Variants in NRN1L observed in about 807,000 individuals in gnomAD.
NRN1L encodes the protein neuritin 1 like.
A neutral mutation model predicts 8.8 loss-of-function variants in NRN1L; 12 were observed. The ratio of observed to expected loss-of-function variants is 1.36; its 90% CI spans 0.87 to 2.20. NRN1L has a LOEUF of 2.20. Among genes scored for constraint, NRN1L ranks in the 30% most tolerant of loss-of-function variants. The pLI is 0.00. For missense variants in NRN1L, 266 were observed against 232.4 expected (o/e 1.14, Z -0.94); for synonymous variants, 114 against 99.2 (o/e 1.15, Z -0.88).
Position 67,886,112 on chromosome 16 carries a change from C to T in NRN1L, c.351C>T (p.Ala117=). 1 of 1,613,064 alleles carries T rather than the reference C, an allele frequency of 6.2e-7. No homozygotes were observed. The highest frequency in any genetic ancestry group is 1.1e-5 in the South Asian group (1 of 90,916). Residue 117 remains alanine (A), a synonymous_variant, in exon 3 of 3, where the codon GCC becomes GCT. Coordinates refer to ENST00000339176, the MANE Select transcript of NRN1L (RefSeq NM_198443.2). Reference sequence around the variant, plus strand: ...ATAACTTGCACACTCTGTGCGGTGCCCCGGTGCATGTTCGGGAGCGCGGCA... The same window carrying T: ...ATAACTTGCACACTCTGTGCGGTGCTCCGGTGCATGTTCGGGAGCGCGGCA... The part of the protein sequence containing the change: ...RPNNLHTLCG[A]PVHVRERGTG...
chr16:67,888,355 T>C (rs1398339149), downstream of NRN1L, among the ~76,000 whole-genome samples: 2 of 152,264 alleles, frequency 1.3e-5, no homozygotes, highest in African/African-American at 2.4e-5. Flanking sequence ...CCCAGAAGTC[T>C]TCCAGAGCTG....
At position 67,885,715 on chromosome 16, in the gene NRN1L, CTTCTAGT is replaced by C. The variant is rs1479930094; in HGVS notation, c.80-6_80del. 1 of 1,546,032 alleles carries C rather than the reference CTTCTAGT, an allele frequency of 6.5e-7. No individual in the cohort carries two copies. The highest frequency in any genetic ancestry group is 8.8e-7 in the Non-Finnish European group (1 of 1,132,076). On this transcript the variant is annotated splice_acceptor_variant and splice_polypyrimidine_tract_variant and coding_sequence_variant and intron_variant, in exon 2 of 3. Transcript: ENST00000339176. LOFTEE classifies it high-confidence loss of function. ...CCTTCCCCACCCCACCCCCGCCCCA[CTTCTAGT>C]CCTTTTACCTCCCCTGGCAGCAGCT...
chr16:67,886,229 T>C lies in NRN1L; in HGVS notation c.468T>C (p.Ala156=). The C allele has an allele frequency of 1.3e-6, 2 of 1,598,226 alleles. No individual in the cohort carries two copies. The highest frequency in any genetic ancestry group is 1.7e-6 in the Non-Finnish European group (2 of 1,178,432). Residue 156 remains alanine, a synonymous_variant, in exon 3 of 3, where the codon GCT becomes GCC. Coordinates refer to ENST00000339176, the MANE Select transcript of NRN1L (RefSeq NM_198443.2). ...CCCCACTGCTGGCGGCTGCTCTGGC[T>C]CTGGCCTACCTCCTGAGGCCTCTGG... ...PAPPLLAAAL[A]LAYLLRPLA
chr16:67,885,194 G>C (rs1333930213), intron 1 of NRN1L: 6 of 600,952 alleles, frequency 1.0e-5, no homozygotes, highest in Middle Eastern at 4.4e-4. Context: ...CCCCTCTTAT[G>C]ATAAAGGGAG....
At chr16:67,886,927 G>A (rs1051858576), downstream of NRN1L, among the ~76,000 whole-genome samples, 1 of 152,234 alleles carries the variant, frequency 6.6e-6, no homozygotes, top group Admixed American at 6.5e-5. Context: ...GATGTGACCT[G>A]AAGTGGCAAA....
downstream of NRN1L, among the ~76,000 whole-genome samples, chr16:67,886,624 T>G (rs2058097472): frequency 6.6e-6 from 1 of 152,176 alleles, no homozygotes; most frequent in South Asian, 2.1e-4. Context: ...CTGTGCGGGT[T>G]GAGATCGGGA....
chr16:67,885,237 T>C (rs1598180775), intron 1 of NRN1L: 1 of 589,548 alleles, frequency 1.7e-6, no homozygotes, highest in Admixed American at 3.0e-5. Context: ...AGACCAGTCG[T>C]AGGATCCCTA....
chr16:67,887,377 A>G (rs1271575144), downstream of NRN1L, among the ~76,000 whole-genome samples: 1 of 151,398 alleles, frequency 6.6e-6, no homozygotes, highest in Non-Finnish European at 1.5e-5. Context: ...GGTTCAAGCA[A>G]TTCTCCTGCC....
chr16:67,886,141 G>T lies in NRN1L; in HGVS notation c.380G>T (p.Gly127Val). 6.2e-7 allele frequency: 1 copy of T among 1,611,532 alleles called. No homozygotes were observed. The highest frequency in any genetic ancestry group is 8.5e-7 in the Non-Finnish European group (1 of 1,179,686). The change falls in exon 3 of 3, where the codon GGC becomes GTC. Residue 127 changes from glycine to valine, a missense_variant. By Grantham distance (109) the Gly-to-Val change is moderately radical. Coordinates refer to ENST00000339176, the MANE Select transcript of NRN1L (RefSeq NM_198443.2). ...APVHVRERGT[G>V]SETNQETLRA... ...GTGCATGTTCGGGAGCGCGGCACAG[G>T]CTCCGAAACCAACCAGGAGACGCTG...
At chr16:67,885,696 C>G in intron 1 of NRN1L, 26 bp from the exon 2 acceptor site, 1 of 1,186,642 alleles carries the variant, frequency 8.4e-7, no homozygotes, top group Non-Finnish European at 1.2e-6. Flanking sequence ...CATTCCTTCC[C>G]CACCCCACCC....
At position 67,886,132 on chromosome 16, in the gene NRN1L, G is replaced by T; in HGVS notation, c.371G>T (p.Arg124Leu). The T allele has an allele frequency of 6.2e-7, 1 of 1,612,082 alleles. No homozygotes were observed. The highest frequency in any genetic ancestry group is 8.5e-7 in the Non-Finnish European group (1 of 1,179,678). ...GGTGCCCCGGTGCATGTTCGGGAGC[G>T]CGGCACAGGCTCCGAAACCAACCAG... ...LCGAPVHVRE[R>L]GTGSETNQET... Residue 124 changes from arginine to leucine, a missense_variant, in exon 3 of 3, where the codon CGC (arginine) becomes CTC (leucine). Arg to Leu is a moderately radical substitution (Grantham distance 102). Coordinates refer to ENST00000339176, the MANE Select transcript of NRN1L (RefSeq NM_198443.2).
Position 67,886,219 on chromosome 16 carries a change from C to G in NRN1L, c.458C>G (p.Ala153Gly). ...GCCCCTGCGCCCCCACTGCTGGCGG[C>G]TGCTCTGGCTCTGGCCTACCTCCTG... Reference protein sequence around the residue: ...PMAPAPPLLAAALALAYLLRP... With the variant: ...PMAPAPPLLAGALALAYLLRP... Residue 153 changes from alanine to glycine, a missense_variant, in exon 3 of 3, where the codon GCT (alanine) becomes GGT (glycine). Transcript: ENST00000339176. 2 of 1,599,496 alleles carry G rather than the reference C, an allele frequency of 1.3e-6. No homozygotes were observed. Among genetic ancestry groups the G allele is most frequent in the Non-Finnish European group, 1.7e-6 (2 of 1,178,756 alleles).
chr16:67,888,493 A>G (rs547118728), downstream of NRN1L, among the ~76,000 whole-genome samples: 183 of 151,240 alleles, frequency 1.2e-3, no homozygotes, highest in Non-Finnish European at 2.1e-3. Flanking sequence ...CATGGAATAG[A>G]GCGGGGCTTG....
At chr16:67,886,406 G>T (rs955444768), downstream of NRN1L, 5 of 790,400 alleles carry the variant, frequency 6.3e-6, no homozygotes, top group African/African-American at 8.7e-5. Context: ...GGCCTTGCTT[G>T]CGGCTGGGGC....
intron 1 of NRN1L, 67 bp downstream of exon 1, chr16:67,885,049 G>C (rs2058089575): frequency 1.1e-5 from 15 of 1,377,908 alleles, no homozygotes; most frequent in Middle Eastern, 1.9e-4. Flanking sequence ...GCTGGGCATA[G>C]GGTGTGTGGG....
At position 67,885,711 on chromosome 16, in the gene NRN1L, C is replaced by A; in HGVS notation, c.80-11C>A. 3 of 1,504,294 alleles carry A rather than the reference C, an allele frequency of 2.0e-6. No individual in the cohort carries two copies. The highest frequency in any genetic ancestry group is 2.7e-6 in the Non-Finnish European group (3 of 1,100,144). 93.2% of individuals were successfully genotyped at this position (1,504,294 alleles called of 1,614,324 possible). A position where few individuals can be genotyped will look rare whatever the true frequency, so the allele number is the denominator to read the frequency against. The stretch of plus-strand genomic sequence containing the variant: ...CATTCCTTCCCCACCCCACCCCCGC[C>A]CCACTTCTAGTCCTTTTACCTCCCC... On this transcript the variant is annotated splice_polypyrimidine_tract_variant and intron_variant, in intron 1 of 2. Coordinates refer to ENST00000339176, the MANE Select transcript of NRN1L (RefSeq NM_198443.2).
downstream of NRN1L, among the ~76,000 whole-genome samples, chr16:67,886,622 G>T (rs1304216753): frequency 6.6e-6 from 1 of 152,178 alleles, no homozygotes; most frequent in Non-Finnish European, 1.5e-5. Flanking sequence ...TCCTGTGCGG[G>T]TTGAGATCGG....
At chr16:67,885,507 C>A (rs574196119) in intron 1 of NRN1L, 5 of 557,378 alleles carry the variant, frequency 9.0e-6, no homozygotes, top group Non-Finnish European at 1.6e-5. Context: ...CACAACACCC[C>A]CTTCCCCTGT....
chr16:67,888,239 G>A (rs1487247948), downstream of NRN1L, among the ~76,000 whole-genome samples: 1 of 152,204 alleles, frequency 6.6e-6, no homozygotes, highest in African/African-American at 2.4e-5. Context: ...GCTACAGTAA[G>A]CAAGAGCTTG....
Sources: gnomAD v4.1 joint callset for allele counts (sites outside exome capture counted in the v4.1 genomes callset) on GRCh38, gnomAD v4.1.1 for gene constraint, MANE v1.5 for transcripts, NCBI Gene and HGNC (gene_info 2026-07-23, HGNC 2026-07-21) for gene names.